Variants in CACNA1E observed in about 807,000 individuals in gnomAD.
CACNA1E encodes the protein voltage-dependent R-type calcium channel subunit alpha-1E.
CACNA1E carries 40 observed loss-of-function variants against 259.2 expected under a neutral mutation model. That is an observed-to-expected ratio of 0.15 (90% CI 0.12 to 0.20). CACNA1E has a LOEUF of 0.20. Among genes scored for constraint, CACNA1E ranks in the 10% least tolerant of loss-of-function variants. The pLI is 1.00. For missense variants in CACNA1E, 1,874 were observed against 3,040.1 expected, an observed-to-expected ratio of 0.62 and a Z score of 9.02; for synonymous variants, 1,104 against 1,138.5, an observed-to-expected ratio of 0.97 and a Z score of 0.61.
rs769961549 is a variant in CACNA1E, at chr1:181,737,607, G to A, written c.3505G>A (p.Ala1169Thr). 3.7e-5 allele frequency: 60 copies of A among 1,613,826 alleles called. No individual in the cohort carries two copies. Among genetic ancestry groups the A allele is most frequent in the African/African-American group, 5.3e-5 (4 of 74,904 alleles). Reference protein sequence around the residue: ...ILLVIAASSIALAAEDPVLTN... With the variant: ...ILLVIAASSITLAAEDPVLTN... ...CCTGGTGATTGCAGCCAGCAGCATC[G>A]CCCTGGCGGCAGAGGACCCCGTCCT... Residue 1169 changes from alanine (A) to threonine (T), a missense_variant, in exon 23 of 48, where the codon GCC becomes ACC. Around this residue, in one of 14 missense-constraint regions of CACNA1E, gnomAD observed 56 missense variants for 97.4 expected, o/e 0.57. Transcript: ENST00000367573.
At chr1:181,569,190 G>A (rs1269042230) in intron 3 of CACNA1E, among the ~76,000 whole-genome samples, 1 of 152,174 alleles carries the variant, frequency 6.6e-6, no homozygotes, top group Non-Finnish European at 1.5e-5. Flanking sequence ...AGTATCGCAA[G>A]GACAGCCATG....
intron 2 of CACNA1E, among the ~76,000 whole-genome samples, chr1:181,428,352 A>T (rs531205160): frequency 9.8e-4 from 150 of 152,324 alleles, no homozygotes; most frequent in African/African-American, 3.6e-3. Flanking sequence ...CCTAATTAGC[A>T]TGCTGACAGC....
intron 2 of CACNA1E, among the ~76,000 whole-genome samples, chr1:181,439,742 C>T (rs1660332119): frequency 6.6e-6 from 1 of 152,202 alleles, no homozygotes; most frequent in Non-Finnish European, 1.5e-5. Flanking sequence ...AAGAACATAA[C>T]ATGTCATATG....
intron 6 of CACNA1E, among the ~76,000 whole-genome samples, chr1:181,648,551 C>G (rs1448062179): frequency 6.6e-6 from 1 of 152,076 alleles, no homozygotes; most frequent in Non-Finnish European, 1.5e-5. Flanking sequence ...TTTTGTGGAT[C>G]TTCTCACGGG....
At chr1:181,591,119 A>G (rs187021133) in intron 6 of CACNA1E, among the ~76,000 whole-genome samples, 1 of 152,370 alleles carries the variant, frequency 6.6e-6, no homozygotes. Flanking sequence ...GAAGGAATAA[A>G]ACTGATTTTA....
rs762233535 is a variant in CACNA1E, at chr1:181,781,423, G to A, written c.5268-4G>A. 4 of 1,526,646 alleles carry A rather than the reference G, an allele frequency of 2.6e-6. No individual in the cohort carries two copies. The Admixed American group carries it at 7.2e-5, about 27-fold the overall frequency. The allele number at this position is 1,526,646 out of a possible 1,614,324, so 94.6% of individuals were successfully genotyped here. A position where few individuals can be genotyped will look rare whatever the true frequency, so the allele number is the denominator to read the frequency against. ...CATCCCAACTCACCACCCTCCATGA[G>A]CAGTGGCCGCATCCATTACACTGAG... On this transcript the variant is annotated splice_polypyrimidine_tract_variant and splice_region_variant and intron_variant, in intron 38 of 47. Coordinates refer to ENST00000367573, the MANE Select transcript of CACNA1E (RefSeq NM_001205293.3).
intron 21 of CACNA1E, among the ~76,000 whole-genome samples, chr1:181,735,919 G>A (rs1655994185): frequency 6.6e-6 from 1 of 152,138 alleles, no homozygotes; most frequent in Admixed American, 6.5e-5. Context: ...AAGTGAGCAT[G>A]TACAAAGAAT....
At chr1:181,472,337 T>G (rs1662562558) in intron 2 of CACNA1E, among the ~76,000 whole-genome samples, 3 of 152,106 alleles carry the variant, frequency 2.0e-5, no homozygotes. Context: ...TTAATAAAAT[T>G]GTATTGTATT....
At chr1:181,784,397 T>C (rs1660689300) in intron 40 of CACNA1E, among the ~76,000 whole-genome samples, 1 of 152,206 alleles carries the variant, frequency 6.6e-6, no homozygotes, top group Admixed American at 6.5e-5. Context: ...GGGAGGCTTT[T>C]AGAACGAATG....
intron 2 of CACNA1E, among the ~76,000 whole-genome samples, chr1:181,425,245 A>G (rs1266765773): frequency 3.3e-5 from 5 of 152,104 alleles, no homozygotes; most frequent in African/African-American, 7.2e-5. Context: ...CGAAGCCAGG[A>G]GGAGAAGGGC....
intron 29 of CACNA1E, 43 bp from the exon 30 acceptor site, chr1:181,756,882 G>T (rs916228419): frequency 7.6e-7 from 1 of 1,310,076 alleles, no homozygotes; most frequent in South Asian, 1.2e-5. Context: ...ACGAAGCCAA[G>T]ACTGTCATCC....
chr1:181,631,850 A>G (rs903482171), intron 6 of CACNA1E, among the ~76,000 whole-genome samples: 17 of 152,170 alleles, frequency 1.1e-4, no homozygotes, highest in Admixed American at 1.0e-3. Flanking sequence ...TTTGTGGGAG[A>G]CACATGATCC....
At chr1:181,330,534 C>T (rs189823692) in intron 1 of CACNA1E, among the ~76,000 whole-genome samples, 137 of 152,306 alleles carry the variant, frequency 9.0e-4, no homozygotes, top group African/African-American at 3.0e-3. Context: ...GCCACAACTC[C>T]GACCCCAGAT....
chr1:181,515,807 A>G lies in CACNA1E; in HGVS notation c.512+4297A>G, dbSNP rs961429524. 1.6e-4 allele frequency among the ~76,000 whole-genome samples: 24 copies of G among 152,174 alleles called. 1 individual carries two copies. On this transcript the variant is annotated intron_variant, in intron 3 of 47. Coordinates refer to ENST00000367573, the MANE Select transcript of CACNA1E (RefSeq NM_001205293.3). ...GGCGAGGACTGTGTCTTAGATGCCC[A>G]CTCATCTCTATATGCCCAGTGCCTG... is the stretch of plus-strand genomic sequence containing the variant.
intron 7 of CACNA1E, among the ~76,000 whole-genome samples, chr1:181,679,850 T>G (rs1309437247): frequency 6.6e-6 from 1 of 152,152 alleles, no homozygotes; most frequent in South Asian, 2.1e-4. Flanking sequence ...CTTCTAAAGT[T>G]AAGTCCACCT....
chr1:181,368,224 T>G lies in CACNA1E; in HGVS notation c.-14-44909T>G, dbSNP rs572270379. Among the ~76,000 whole-genome samples, 17 of 150,342 alleles carry G rather than the reference T, an allele frequency of 1.1e-4. No homozygotes were observed. In the South Asian group the frequency reaches 3.6e-3, roughly 32 times the overall value. On this transcript the variant is annotated intron_variant, in intron 1 of 11. Coordinates refer to the CACNA1E transcript ENST00000524607. Reference sequence around the variant, plus strand: ...CAGCCTGGGTGACAAAGAGAGACTCTGTCTAAAAAAAATAAAATAAAAAGA... The same window carrying G: ...CAGCCTGGGTGACAAAGAGAGACTCGGTCTAAAAAAAATAAAATAAAAAGA...
In CACNA1E at chr1:181,448,817, G is replaced by A. The variant is rs185054506; in HGVS notation, c.435-34927G>A. Among the ~76,000 whole-genome samples, 411 of 152,342 alleles carry A rather than the reference G, an allele frequency of 2.7e-3. 4 individuals carry two copies. Among genetic ancestry groups the A allele is most frequent in the African/African-American group, 8.7e-3 (361 of 41,570 alleles). On this transcript the variant is annotated intron_variant, in intron 2 of 11. Transcript: ENST00000524607. ...GTGACAGGTGGAGGGCATACCAGTC[G>A]GAAAGCTGGTCCAAGCCTCCTCTGT...
chr1:181,637,783 C>G (rs969095898), intron 6 of CACNA1E, among the ~76,000 whole-genome samples: 2 of 152,068 alleles, frequency 1.3e-5, no homozygotes, highest in African/African-American at 4.8e-5. Context: ...GTGACTGACT[C>G]TGGGAAGGTT....
chr1:181,753,557 C>T (rs573962352), intron 27 of CACNA1E, among the ~76,000 whole-genome samples: 5 of 152,292 alleles, frequency 3.3e-5, no homozygotes, highest in South Asian at 2.1e-4. Context: ...AATGAACTGA[C>T]GTGAGTGGTC....
Sources: allele counts gnomAD v4.1 joint callset (sites outside exome capture counted in the v4.1 genomes callset), GRCh38; gene constraint gnomAD v4.1.1; regional missense constraint gnomAD v4.1.1; transcripts MANE v1.5; gene names NCBI Gene and HGNC (gene_info 2026-07-23, HGNC 2026-07-21).